ATP5PD: variants seen among roughly 807,000 people sequenced by gnomAD.
ATP5PD encodes ATP synthase peripheral stalk subunit d, also known as ATP synthase peripheral stalk subunit d, mitochondrial.
Under a neutral mutation model 22.6 loss-of-function variants are expected in ATP5PD, and 13 were observed. The observed-to-expected ratio is 0.58, with a 90% CI of 0.37 to 0.91. The LOEUF (loss-of-function observed/expected upper bound fraction) is 0.91, where lower values mean the gene tolerates loss of function less well. Ranked by LOEUF, ATP5PD falls within the 40% of genes least tolerant of loss-of-function variation. The pLI is 0.00. For missense variants in ATP5PD, 165 were observed against 188.0 expected, an observed-to-expected ratio of 0.88 and a Z score of 0.72; for synonymous variants, 51 against 65.0, an observed-to-expected ratio of 0.79 and a Z score of 1.03.
At chr17:75,039,170 G>A in intron 5 of ATP5PD, 39 bp downstream of exon 5, 1 of 1,613,054 alleles carries the variant, frequency 6.2e-7, no homozygotes. Flanking sequence ...ATGAAAGAGA[G>A]AACCCATATT....
intron 1 of ATP5PD, among the ~76,000 whole-genome samples, chr17:75,042,957 C>G (rs1410674448): frequency 6.6e-6 from 1 of 151,930 alleles, no homozygotes; most frequent in East Asian, 1.9e-4. Context: ...GCAGTGGGCT[C>G]ACGCCTGTAA....
chr17:75,040,173 C>T lies in ATP5PD; in HGVS notation c.220-10G>A, dbSNP rs375114115. On this transcript the variant is annotated splice_polypyrimidine_tract_variant and intron_variant, in intron 3 of 5. Coordinates refer to ENST00000301587, the MANE Select transcript of ATP5PD (RefSeq NM_006356.3). ...CCTTCAGCGCATTAAACTACAAACA[C>T]AAGGGCACGGGAACCTTCAGCGCAT... 1.9e-6 allele frequency: 3 copies of T among 1,611,368 alleles called. No individual in the cohort carries two copies. In the African/African-American group the frequency reaches 4.0e-5, roughly 22 times the overall value.
intron 1 of ATP5PD, among the ~76,000 whole-genome samples, 178 bp from the exon 2 acceptor site, chr17:75,042,837 C>T (rs1029239003): frequency 6.6e-6 from 1 of 151,986 alleles, no homozygotes; most frequent in African/African-American, 2.4e-5. Context: ...GTCGAGACTG[C>T]ATCACTGCAC....
At chr17:75,042,829 C>T (rs1443221828) in intron 1 of ATP5PD, among the ~76,000 whole-genome samples, 170 bp from the exon 2 acceptor site, 5 of 150,482 alleles carry the variant, frequency 3.3e-5, no homozygotes, top group African/African-American at 7.4e-5. Flanking sequence ...TGCAGTGAGT[C>T]GAGACTGCAT....
chr17:75,045,535 G>C (rs1166781968), intron 1 of ATP5PD, among the ~76,000 whole-genome samples: 1 of 152,226 alleles, frequency 6.6e-6, no homozygotes, highest in Non-Finnish European at 1.5e-5. Context: ...ACCCCTAGGT[G>C]CGCATTCTCT....
chr17:75,045,380 C>T (rs918178948), intron 1 of ATP5PD, among the ~76,000 whole-genome samples: 1 of 152,182 alleles, frequency 6.6e-6, no homozygotes, highest in East Asian at 1.9e-4. Flanking sequence ...GTTTTCAGAT[C>T]AACCGGTCTG....
At position 75,038,911 on chromosome 17, in the gene ATP5PD, A is replaced by C. The variant is rs1567986410; in HGVS notation, c.*21T>G. 5 of 1,608,200 alleles carry C rather than the reference A, an allele frequency of 3.1e-6. No homozygotes were observed. The highest frequency in any genetic ancestry group is 1.8e-4 in the Middle Eastern group (1 of 5,646). On this transcript the variant is annotated 3_prime_UTR_variant, in exon 6 of 6. Transcript: ENST00000301587. ...CCAGAATGTGTAATACAAGGGCCAG[A>C]GCTTCCTCCTGGACTCAATTTTATA...
chr17:75,039,498 C>A, intron 4 of ATP5PD: 1 of 527,728 alleles, frequency 1.9e-6, no homozygotes, highest in South Asian at 2.3e-5. Flanking sequence ...CACCCGGCTG[C>A]TTCTGCAAGT....
At chr17:75,046,626 C>G (rs1288001253) in intron 1 of ATP5PD, among the ~76,000 whole-genome samples, 1 of 152,246 alleles carries the variant, frequency 6.6e-6, no homozygotes, top group African/African-American at 2.4e-5. Context: ...AGTCCCCCCA[C>G]CAAACTATTG....
At chr17:75,042,747 T>G in intron 1 of ATP5PD, 88 bp from the exon 2 acceptor site, 27 of 1,241,892 alleles carry the variant, frequency 2.2e-5, no homozygotes, top group Non-Finnish European at 2.6e-5. Context: ...TAAGAGCTCT[T>G]AGAGAGAATC....
intron 1 of ATP5PD, among the ~76,000 whole-genome samples, chr17:75,044,973 C>A (rs1271432904): frequency 3.9e-5 from 6 of 152,120 alleles, no homozygotes; most frequent in African/African-American, 1.5e-4. Flanking sequence ...GAACCAAGCA[C>A]CCTTACAGAC....
rs985257802 is a variant in ATP5PD at position 75,044,452 on chromosome 17, G to T, written c.-9-1793C>A. ...GATCTCCTGACCTCATGATCCACCC[G>T]CCTCGGCCTCCCAAAGTGCTGGGAT... is the stretch of plus-strand genomic sequence containing the variant. On this transcript the variant is annotated intron_variant, in intron 1 of 5. Transcript: ENST00000301587. Among the ~76,000 whole-genome samples, 17 of 108,212 alleles carry T rather than the reference G, an allele frequency of 1.6e-4. 2 individuals carry two copies. Among genetic ancestry groups the T allele is most frequent in the Admixed American group, 1.1e-3 (14 of 12,712 alleles). 71.0% of individuals were successfully genotyped at this position (108,212 alleles called of 152,430 possible).
In ATP5PD at chr17:75,042,529, C is replaced by G. The variant is rs757685789; in HGVS notation, c.122G>C (p.Arg41Thr). Residue 41 changes from arginine (R) to threonine (T), a missense_variant and splice_region_variant, in exon 2 of 6, where the codon AGG (arginine) becomes ACG (threonine). Arg to Thr is a moderately conservative substitution (Grantham distance 71, BLOSUM62 -1). Transcript: ENST00000301587. ...GGTTCCCTCTCAGAAACATACTGAC[C>G]TGGAGGTGAGGGTCTCATTCCAGGA... Reference protein sequence around the residue: ...LKSWNETLTSRLAALPENPPA... With the variant: ...LKSWNETLTSTLAALPENPPA... 1 of 1,611,310 alleles carries G rather than the reference C, an allele frequency of 6.2e-7. No homozygotes were observed. The highest frequency in any genetic ancestry group is 1.1e-5 in the South Asian group (1 of 90,466).
chr17:75,045,844 G>A (rs999816306), intron 1 of ATP5PD, among the ~76,000 whole-genome samples: 5 of 152,240 alleles, frequency 3.3e-5, no homozygotes, highest in Non-Finnish European at 7.3e-5. Flanking sequence ...ACAGGCATAG[G>A]AAATCAGAAG....
intron 4 of ATP5PD, 193 bp from the exon 5 acceptor site, chr17:75,039,464 T>A (rs1480419602): frequency 1.8e-6 from 1 of 571,242 alleles, no homozygotes; most frequent in African/African-American, 1.9e-5. Flanking sequence ...GAAGCCCATA[T>A]GGAAAACCAG....
At position 75,040,140 on chromosome 17, in the gene ATP5PD, C is replaced by T. The variant is rs532829560; in HGVS notation, c.243G>A (p.Val81=). 61 of 1,611,836 alleles carry T rather than the reference C, an allele frequency of 3.8e-5. No individual in the cohort carries two copies. In the South Asian group the frequency reaches 6.6e-4, roughly 17 times the overall value. ...CCTGGGCAGTATATTTATCCTCTGGCACGGGAACCTTCAGCGCATTAAACT... is the reference window on the plus strand; with the variant it reads ...CCTGGGCAGTATATTTATCCTCTGGTACGGGAACCTTCAGCGCATTAAACT... ...EKKFNALKVP[V]PEDKYTAQVD... is the part of the protein sequence containing the mutation. Residue 81 remains valine, a synonymous_variant, in exon 4 of 6, where the codon GTG becomes GTA. Transcript: ENST00000301587.
At chr17:75,042,471 C>G (rs1251874087) in intron 2 of ATP5PD, 58 bp downstream of exon 2, 1 of 1,588,512 alleles carries the variant, frequency 6.3e-7, no homozygotes. Flanking sequence ...TTCCTTAATA[C>G]TGTTTTGTTT....
rs2073134056 is a variant in ATP5PD at position 75,039,258 on chromosome 17, G to C, written c.305C>G (p.Ala102Gly). The C allele has an allele frequency of 6.2e-7, 1 of 1,613,926 alleles. No homozygotes were observed. The highest frequency in any genetic ancestry group is 1.3e-5 in the African/African-American group (1 of 74,900). ...AEEKEDVKSCAEWVSLSKARI... is the reference protein window; with the variant it reads ...AEEKEDVKSCGEWVSLSKARI... ...GGCCTTTGAGAGAGACACCCACTCAGCACAAGATTTCACCTTTAAGAAGAA... is the reference window on the plus strand; with the variant it reads ...GGCCTTTGAGAGAGACACCCACTCACCACAAGATTTCACCTTTAAGAAGAA... Residue 102 changes from alanine to glycine, a missense_variant, in exon 5 of 6, where the codon GCT becomes GGT. Transcript: ENST00000301587.
At chr17:75,043,981 C>G (rs1158565357) in intron 1 of ATP5PD, among the ~76,000 whole-genome samples, 1 of 151,550 alleles carries the variant, frequency 6.6e-6, no homozygotes, top group African/African-American at 2.4e-5. Flanking sequence ...CCTTCTTATT[C>G]ACATCGGATT....
Sources: gnomAD v4.1 joint callset for allele counts (sites outside exome capture counted in the v4.1 genomes callset) on GRCh38, gnomAD v4.1.1 for gene constraint, MANE v1.5 for transcripts, NCBI Gene and HGNC (gene_info 2026-07-23, HGNC 2026-07-21) for gene names.